Variants in NR3C2 observed in about 807,000 individuals in gnomAD.
NR3C2 encodes nuclear receptor subfamily 3 group C member 2, also known as mineralocorticoid receptor.
A neutral mutation model predicts 86.4 loss-of-function variants in NR3C2; 15 were observed. The ratio of observed to expected loss-of-function variants is 0.17; its 90% confidence interval spans 0.12 to 0.27. The LOEUF is 0.27. Ranked by LOEUF, NR3C2 falls within the 10% of genes least tolerant of loss-of-function variation. The pLI is 1.00. For missense variants in NR3C2, 960 were observed against 1,195.6 expected, an observed-to-expected ratio of 0.80 and a Z score of 2.91; for synonymous variants, 458 against 450.5, an observed-to-expected ratio of 1.02 and a Z score of -0.21.
chr4:148,184,225 C>T (rs947397516), intron 4 of NR3C2, among the ~76,000 whole-genome samples: 52 of 151,126 alleles, frequency 3.4e-4, no homozygotes, highest in Middle Eastern at 6.8e-3. Context: ...ACAAGGTGGG[C>T]GGATCACAAG....
chr4:148,445,019 C>A (rs979642100), upstream of NR3C2: 1 of 983,836 alleles, frequency 1.0e-6, no homozygotes, highest in African/African-American at 1.7e-5. Flanking sequence ...CCGGGTCACG[C>A]CCTCACGAGC....
chr4:148,148,285 C>G (rs1196078552), intron 6 of NR3C2, among the ~76,000 whole-genome samples: 3 of 152,174 alleles, frequency 2.0e-5, no homozygotes, highest in Non-Finnish European at 2.9e-5. Flanking sequence ...TTGCCAATAT[C>G]CAATTACTAG....
At chr4:148,351,980 A>T (rs2149993546) in intron 2 of NR3C2, among the ~76,000 whole-genome samples, 1 of 152,276 alleles carries the variant, frequency 6.6e-6, no homozygotes, top group African/African-American at 2.4e-5. Context: ...AGGTAGATTA[A>T]TGTGTGGTTG....
At chr4:148,225,966 T>C (rs979367654) in intron 3 of NR3C2, among the ~76,000 whole-genome samples, 1 of 152,156 alleles carries the variant, frequency 6.6e-6, no homozygotes, top group African/African-American at 2.4e-5. Flanking sequence ...TTTTCAGATA[T>C]CTGTAATGCA....
chr4:148,234,518 TA>T (rs1188908525), intron 3 of NR3C2, among the ~76,000 whole-genome samples: 1 of 151,726 alleles, frequency 6.6e-6, no homozygotes, highest in South Asian at 2.1e-4. Context: ...TTTTTTGTAC[TA>T]AAAAATACAA....
intron 2 of NR3C2, among the ~76,000 whole-genome samples, chr4:148,429,911 G>A (rs1468595433): frequency 6.6e-6 from 1 of 152,064 alleles, no homozygotes; most frequent in East Asian, 1.9e-4. Context: ...ATTTTTATCA[G>A]CAAATGAACA....
chr4:148,435,057 C>G (rs1381687777), intron 2 of NR3C2, 47 bp downstream of exon 2: 1 of 1,561,024 alleles, frequency 6.4e-7, no homozygotes, highest in Non-Finnish European at 8.8e-7. Flanking sequence ...TAACCTTCAA[C>G]ATGTATAAAG....
intron 3 of NR3C2, among the ~76,000 whole-genome samples, chr4:148,221,997 T>C (rs1173746872): frequency 6.6e-6 from 1 of 151,982 alleles, no homozygotes; most frequent in Non-Finnish European, 1.5e-5. Context: ...TCTGTGTATG[T>C]ATGTGTGTAT....
rs369152607 is a variant in NR3C2 at position 148,436,793 on chromosome 4, G to A, written c.68C>T (p.Ser23Phe). The A allele has an allele frequency of 1.9e-6, 3 of 1,613,446 alleles. No homozygotes were observed. Among genetic ancestry groups the A allele is most frequent in the Non-Finnish European group, 2.5e-6 (3 of 1,179,864 alleles). The change falls in exon 2 of 9, where the codon TCT becomes TTT. Residue 23 changes from serine (S) to phenylalanine (F), a missense_variant. Physicochemically the swap from Ser to Phe is radical, Grantham distance 155 (BLOSUM62 -2). Around this residue, in one of 4 missense-constraint regions of NR3C2, gnomAD observed 680 missense variants for 719.0 expected, o/e 0.95. Coordinates refer to ENST00000358102, the MANE Select transcript of NR3C2 (RefSeq NM_000901.5). The part of the protein sequence containing the change: ...LDMERRWGQV[S>F]QAVERSSLGP... The stretch of plus-strand genomic sequence containing the variant: ...CAGGGAAGAACGCTCCACAGCCTGA[G>A]AAACTTGACCCCACCGTCTTTCCAT...
intron 3 of NR3C2, among the ~76,000 whole-genome samples, chr4:148,243,754 G>A (rs1026322615): frequency 3.9e-5 from 6 of 152,094 alleles, no homozygotes; most frequent in Non-Finnish European, 7.3e-5. Flanking sequence ...GATTAAAAAC[G>A]TGCAGCCGCT....
intron 4 of NR3C2, among the ~76,000 whole-genome samples, chr4:148,160,486 C>T (rs1004296504): frequency 6.6e-6 from 1 of 152,188 alleles, no homozygotes; most frequent in East Asian, 1.9e-4. Context: ...ACTTTCACCA[C>T]GTAAAGATTC....
At chr4:148,106,353 A>G (rs4835483) in intron 8 of NR3C2, among the ~76,000 whole-genome samples, 112,394 of 152,064 alleles carry the variant, frequency 0.74, 41,915 homozygotes, top group African/African-American at 0.8. Flanking sequence ...ACTGCTCAAG[A>G]AAATAAGAGA....
chr4:148,443,006 G>A, upstream of NR3C2: 1 of 984,444 alleles, frequency 1.0e-6, no homozygotes, highest in Non-Finnish European at 1.2e-6. Context: ...GCGTCCGCGC[G>A]CGGGGAGGAC....
chr4:148,255,277 A>G (rs1438561698), intron 3 of NR3C2, among the ~76,000 whole-genome samples: 4 of 152,216 alleles, frequency 2.6e-5, no homozygotes, highest in Admixed American at 2.0e-4. Flanking sequence ...ACATTTCCTT[A>G]AAAATATTTT....
Position 148,141,326 on chromosome 4 carries a change from C to T in NR3C2, c.2510+11143G>A, listed in dbSNP as rs531945714. Among the ~76,000 whole-genome samples the T allele has an allele frequency of 4.6e-5, 7 of 151,876 alleles. No homozygotes were observed. In the East Asian group the frequency reaches 1.2e-3, roughly 25 times the overall value. On this transcript the variant is annotated intron_variant, in intron 6 of 8. Coordinates refer to ENST00000358102, the MANE Select transcript of NR3C2 (RefSeq NM_000901.5). Reference sequence around the variant, plus strand: ...GCAGGCGTCTGTAGTCCCAGCTACTCGGGAGGCTGAGGCAGGAGAATCACT... The same window carrying T: ...GCAGGCGTCTGTAGTCCCAGCTACTTGGGAGGCTGAGGCAGGAGAATCACT...
intron 2 of NR3C2, among the ~76,000 whole-genome samples, chr4:148,421,136 T>A (rs887099745): frequency 1.3e-5 from 2 of 152,214 alleles, no homozygotes; most frequent in Non-Finnish European, 2.9e-5. Flanking sequence ...CTATACTTAT[T>A]AGACAATGTA....
intron 3 of NR3C2, among the ~76,000 whole-genome samples, chr4:148,231,602 T>C (rs980226444): frequency 3.3e-5 from 5 of 152,350 alleles, no homozygotes; most frequent in Admixed American, 2.6e-4. Flanking sequence ...CTTGCCTCGA[T>C]GTTGATGGCT....
chr4:148,082,371 A>C (rs1299288433), intron 8 of NR3C2, among the ~76,000 whole-genome samples: 1 of 152,164 alleles, frequency 6.6e-6, no homozygotes, highest in Non-Finnish European at 1.5e-5. Flanking sequence ...TACCCGGCTT[A>C]TCTCATTTGG....
intron 5 of NR3C2, among the ~76,000 whole-genome samples, chr4:148,152,995 A>G (rs1021699409): frequency 2.0e-5 from 3 of 152,320 alleles, no homozygotes; most frequent in Middle Eastern, 3.4e-3. Context: ...ATAACTGTCA[A>G]ACCCTGTGTA....
Sources: gnomAD v4.1 joint callset for allele counts (sites outside exome capture counted in the v4.1 genomes callset) on GRCh38, gnomAD v4.1.1 for gene constraint, gnomAD v4.1.1 regional missense constraint, MANE v1.5 for transcripts, NCBI Gene and HGNC (gene_info 2026-07-23, HGNC 2026-07-21) for gene names.